Variants in KCNH7 observed in about 807,000 individuals in gnomAD.
KCNH7 encodes potassium voltage-gated channel subfamily H member 7.
Under a neutral mutation model 120.8 loss-of-function variants are expected in KCNH7, and 49 were observed. The ratio of observed to expected loss-of-function variants is 0.41; its 90% CI spans 0.32 to 0.51. The LOEUF (loss-of-function observed/expected upper bound fraction) is 0.51. KCNH7 is among the 20% of genes least tolerant of loss of function. KCNH7 has a pLI of 0.38. For missense variants in KCNH7, 1,097 were observed against 1,446.6 expected, an observed-to-expected ratio of 0.76 and a Z score of 3.92; for synonymous variants, 547 against 516.1, an observed-to-expected ratio of 1.06 and a Z score of -0.81.
chr2:162,538,338 T>G (rs577749282), intron 2 of KCNH7, among the ~76,000 whole-genome samples: 1 of 152,184 alleles, frequency 6.6e-6, no homozygotes, highest in Non-Finnish European at 1.5e-5. Flanking sequence ...CGGACCCCCC[T>G]GATTTAGGAA....
chr2:162,676,817 G>C (rs1442066568), intron 2 of KCNH7, among the ~76,000 whole-genome samples: 1 of 151,296 alleles, frequency 6.6e-6, no homozygotes, highest in Admixed American at 6.6e-5. Flanking sequence ...CCACATAAGG[G>C]TCCATTTTGT....
At chr2:162,660,974 A>G (rs1476078809) in intron 2 of KCNH7, among the ~76,000 whole-genome samples, 1 of 152,232 alleles carries the variant, frequency 6.6e-6, no homozygotes, top group Non-Finnish European at 1.5e-5. Context: ...GTTCTGTACA[A>G]TAAGATAGCC....
At chr2:162,722,882 T>G (rs951233287) in intron 2 of KCNH7, among the ~76,000 whole-genome samples, 2 of 149,968 alleles carry the variant, frequency 1.3e-5, no homozygotes, top group Non-Finnish European at 3.0e-5. Flanking sequence ...CTGACTTTTT[T>G]TTTAACCTAA....
At chr2:162,577,826 T>G (rs1361706332) in intron 2 of KCNH7, among the ~76,000 whole-genome samples, 1 of 152,070 alleles carries the variant, frequency 6.6e-6, no homozygotes. Context: ...ACAAGACTAT[T>G]GTTTGATAGA....
At chr2:162,606,224 C>G (rs1190084733) in intron 2 of KCNH7, among the ~76,000 whole-genome samples, 1 of 151,758 alleles carries the variant, frequency 6.6e-6, no homozygotes, top group Non-Finnish European at 1.5e-5. Flanking sequence ...GAATTTTTGT[C>G]TGCTACTGAG....
chr2:162,756,323 A>G (rs185055702), intron 2 of KCNH7, among the ~76,000 whole-genome samples: 2 of 152,174 alleles, frequency 1.3e-5, no homozygotes, highest in Admixed American at 1.3e-4. Flanking sequence ...AACTCTACTA[A>G]TGGAATGGCT....
At chr2:162,465,988 G>C (rs1484129186) in intron 6 of KCNH7, among the ~76,000 whole-genome samples, 1 of 152,136 alleles carries the variant, frequency 6.6e-6, no homozygotes, top group East Asian at 1.9e-4. Context: ...CATGGAATCA[G>C]ACTTAACATC....
intron 6 of KCNH7, among the ~76,000 whole-genome samples, chr2:162,470,099 C>T (rs955383287): frequency 6.6e-6 from 1 of 152,198 alleles, no homozygotes; most frequent in Admixed American, 6.5e-5. Context: ...TCCCAAAGTG[C>T]CGAGATTGCA....
intron 2 of KCNH7, among the ~76,000 whole-genome samples, chr2:162,563,577 G>A (rs891656227): frequency 1.3e-5 from 2 of 152,084 alleles, no homozygotes; most frequent in African/African-American, 4.8e-5. Context: ...AATTTCTTGT[G>A]TTGTGACCTT....
At chr2:162,807,907 C>T (rs1332457928) in intron 2 of KCNH7, among the ~76,000 whole-genome samples, 1 of 152,174 alleles carries the variant, frequency 6.6e-6, no homozygotes, top group East Asian at 1.9e-4. Context: ...TGGTCTCGAA[C>T]TCCTGACCTC....
intron 2 of KCNH7, among the ~76,000 whole-genome samples, chr2:162,774,417 C>T (rs184287603): frequency 7.1e-4 from 108 of 152,172 alleles, no homozygotes; most frequent in African/African-American, 2.1e-3. Flanking sequence ...TTCTGTGTTG[C>T]TTATGCAAAG....
At chr2:162,826,551 T>C (rs978553289) in intron 2 of KCNH7, among the ~76,000 whole-genome samples, 4 of 152,148 alleles carry the variant, frequency 2.6e-5, no homozygotes, top group African/African-American at 9.6e-5. Context: ...AGCAAGTTAA[T>C]AATTAATTTC....
At chr2:162,736,687 T>C (rs969193913) in intron 2 of KCNH7, among the ~76,000 whole-genome samples, 1 of 152,120 alleles carries the variant, frequency 6.6e-6, no homozygotes, top group African/African-American at 2.4e-5. Flanking sequence ...AAATGGGTGT[T>C]GGACTGTTGT....
chr2:162,736,908 C>A (rs754071007), intron 2 of KCNH7, among the ~76,000 whole-genome samples: 12 of 152,042 alleles, frequency 7.9e-5, no homozygotes, highest in Non-Finnish European at 1.8e-4. Context: ...GATTCAGCAA[C>A]TAAAGTAGCT....
intron 2 of KCNH7, among the ~76,000 whole-genome samples, chr2:162,662,582 T>A (rs1457214368): frequency 6.6e-6 from 1 of 152,228 alleles, no homozygotes; most frequent in East Asian, 1.9e-4. Context: ...GTCTGTCTGC[T>A]ATTTCAGAGT....
At chr2:162,558,589 C>T (rs1692945503) in intron 2 of KCNH7, among the ~76,000 whole-genome samples, 1 of 139,164 alleles carries the variant, frequency 7.2e-6, no homozygotes, top group African/African-American at 2.8e-5. Context: ...GGAATGGAAG[C>T]TAGATATGTG....
chr2:162,664,753 T>G (rs1360249889), intron 2 of KCNH7, among the ~76,000 whole-genome samples: 2 of 152,152 alleles, frequency 1.3e-5, no homozygotes, highest in African/African-American at 2.4e-5. Context: ...TGTTTTCAGT[T>G]AGTATACAGT....
At chr2:162,461,715 G>A (rs1335418337) in intron 6 of KCNH7, among the ~76,000 whole-genome samples, 1 of 152,174 alleles carries the variant, frequency 6.6e-6, no homozygotes, top group Admixed American at 6.6e-5. Flanking sequence ...CACGTACAAA[G>A]TGGTATTTTA....
At chr2:162,655,737 G>A (rs1210711969) in intron 2 of KCNH7, among the ~76,000 whole-genome samples, 1 of 152,146 alleles carries the variant, frequency 6.6e-6, no homozygotes, top group Non-Finnish European at 1.5e-5. Flanking sequence ...AGGTTGCAGT[G>A]AGCCGAGATG....
Sources: gnomAD v4.1 joint callset for allele counts (sites outside exome capture counted in the v4.1 genomes callset) on GRCh38, gnomAD v4.1.1 for gene constraint, MANE v1.5 for transcripts, NCBI Gene and HGNC (gene_info 2026-07-23, HGNC 2026-07-21) for gene names.